Variants in RAMP3 observed in about 807,000 individuals in gnomAD.
The protein encoded by RAMP3 is receptor activity-modifying protein 3.
In RAMP3, 14 loss-of-function variants were observed where a neutral mutation model predicts 13.5. That is an observed-to-expected ratio of 1.04 (90% CI 0.69 to 1.63). RAMP3 has a LOEUF of 1.63. RAMP3 is among the 40% of genes most tolerant of loss of function. RAMP3 has a pLI of 0.00. For missense variants in RAMP3, 200 were observed against 204.8 expected (o/e 0.98, Z 0.14); for synonymous variants, 106 against 88.3 (o/e 1.20, Z -1.12).
At chr7:45,175,451 A>C (rs984805615) in intron 1 of RAMP3, among the ~76,000 whole-genome samples, 44 of 152,316 alleles carry the variant, frequency 2.9e-4, no homozygotes, top group African/African-American at 9.9e-4. Flanking sequence ...GAGTGCCTAC[A>C]CAGGCTTCTC....
Position 45,182,760 on chromosome 7 carries a change from G to A in RAMP3, c.192-397G>A, listed in dbSNP as rs183826067. On this transcript the variant is annotated intron_variant, in intron 2 of 2. Coordinates refer to ENST00000242249, the MANE Select transcript of RAMP3 (RefSeq NM_005856.3). ...GAGACCCTCCTCTCAGGCTCTTAGG[G>A]TATCCTGGATGATGAAGGCTTTGCA... Among the ~76,000 whole-genome samples, 367 of 152,240 alleles carry A rather than the reference G, an allele frequency of 2.4e-3. 1 individual carries two copies. The highest frequency in any genetic ancestry group is 8.3e-3 in the African/African-American group (344 of 41,532).
At chr7:45,179,280 C>T (rs1216828872) in intron 2 of RAMP3, among the ~76,000 whole-genome samples, 11 of 152,078 alleles carry the variant, frequency 7.2e-5, no homozygotes, top group Admixed American at 6.6e-4. Flanking sequence ...CAGTGACCCC[C>T]CCAACCCCTG....
intron 2 of RAMP3, among the ~76,000 whole-genome samples, chr7:45,179,466 A>G (rs1321789307): frequency 6.6e-6 from 1 of 152,256 alleles, no homozygotes; most frequent in East Asian, 1.9e-4. Context: ...CCATGCACCA[A>G]GAAGAAAACT....
chr7:45,162,341 G>C (rs1157882820), intron 1 of RAMP3, among the ~76,000 whole-genome samples: 1 of 152,220 alleles, frequency 6.6e-6, no homozygotes. Context: ...AGTGCCCACT[G>C]GGAGAGAAGG....
intron 1 of RAMP3, among the ~76,000 whole-genome samples, chr7:45,166,507 T>C (rs1318702178): frequency 6.6e-6 from 1 of 152,214 alleles, no homozygotes; most frequent in Non-Finnish European, 1.5e-5. Flanking sequence ...AATTGCTTTA[T>C]TTTTCCCTTT....
intron 1 of RAMP3, among the ~76,000 whole-genome samples, chr7:45,169,333 T>C (rs992652117): frequency 1.6e-4 from 25 of 152,220 alleles, no homozygotes; most frequent in African/African-American, 6.0e-4. Flanking sequence ...TGGAAGAGTT[T>C]GTGAATGATT....
At chr7:45,172,946 C>G (rs2128657228) in intron 1 of RAMP3, among the ~76,000 whole-genome samples, 1 of 152,260 alleles carries the variant, frequency 6.6e-6, no homozygotes, top group African/African-American at 2.4e-5. Context: ...AGAGGGGTCC[C>G]CCTCCCTGCT....
At chr7:45,175,263 C>G (rs1341395734) in intron 1 of RAMP3, among the ~76,000 whole-genome samples, 1 of 152,156 alleles carries the variant, frequency 6.6e-6, no homozygotes, top group Non-Finnish European at 1.5e-5. Context: ...AGTCACTGAC[C>G]CTGTGTCCAG....
At chr7:45,166,413 T>A (rs1160296865) in intron 1 of RAMP3, among the ~76,000 whole-genome samples, 3 of 152,222 alleles carry the variant, frequency 2.0e-5, no homozygotes, top group Non-Finnish European at 2.9e-5. Context: ...TGATGGTTAA[T>A]GATGTTGATT....
At chr7:45,180,756 G>C (rs555527457) in intron 2 of RAMP3, among the ~76,000 whole-genome samples, 34 of 152,350 alleles carry the variant, frequency 2.2e-4, no homozygotes, top group Admixed American at 4.6e-4. Context: ...GAGTCTGACT[G>C]GGGGGTTTGC....
rs368770188 is a variant in RAMP3 at position 45,177,461 on chromosome 7, G to A, written c.191+20G>A. On this transcript the variant is annotated intron_variant, in intron 2 of 2. Transcript: ENST00000242249. Reference sequence around the variant, plus strand: ...CATCGTGTGAGTGCCACTGCTGGGCGTGGGATTTGCTCTGACCACAGCGCT... The same window carrying A: ...CATCGTGTGAGTGCCACTGCTGGGCATGGGATTTGCTCTGACCACAGCGCT... 73 of 1,613,688 alleles carry A rather than the reference G, an allele frequency of 4.5e-5. No individual in the cohort carries two copies. Among genetic ancestry groups the A allele is most frequent in the African/African-American group, 3.6e-4 (27 of 74,906 alleles).
chr7:45,172,156 C>T lies in RAMP3; in HGVS notation c.59-5153C>T, dbSNP rs899930855. On this transcript the variant is annotated intron_variant, in intron 1 of 2. Transcript: ENST00000242249. ...GGGCAGGGAGCCTCAGTTCTCTAGG[C>T]CTCATCTGCCCAGAAAGAAGAGACC... 7.2e-5 allele frequency among the ~76,000 whole-genome samples: 11 copies of T among 152,302 alleles called. No homozygotes were observed. In the East Asian group the frequency reaches 1.9e-3, roughly 27 times the overall value.
intron 1 of RAMP3, among the ~76,000 whole-genome samples, chr7:45,168,010 GTT>G (rs1240431542): frequency 3.3e-5 from 5 of 152,218 alleles, no homozygotes; most frequent in Admixed American, 2.6e-4. Flanking sequence ...ATTGCATTGA[GTT>G]TGTATATCAC....
rs1786382031 is a variant in RAMP3 at position 45,184,192 on chromosome 7, G to A, written c.*780G>A. Reference sequence around the variant, plus strand: ...CTCTGGAATGGCATCCCATGAGCTTGTGGCCTCTATCTGCTACCATCTGTG... The same window carrying A: ...CTCTGGAATGGCATCCCATGAGCTTATGGCCTCTATCTGCTACCATCTGTG... On this transcript the variant is annotated 3_prime_UTR_variant, in exon 3 of 3. Transcript: ENST00000242249. The A allele has an allele frequency of 2.5e-6, 1 of 398,736 alleles. No individual in the cohort carries two copies. Among genetic ancestry groups the A allele is most frequent in the Non-Finnish European group, 4.4e-6 (1 of 226,174 alleles). The allele number at this position is 398,736 out of a possible 1,614,324, so 24.7% of individuals were successfully genotyped here.
At chr7:45,175,394 G>C (rs1226932079) in intron 1 of RAMP3, among the ~76,000 whole-genome samples, 1 of 152,186 alleles carries the variant, frequency 6.6e-6, no homozygotes, top group Non-Finnish European at 1.5e-5. Flanking sequence ...GGGGCCTCAA[G>C]ATGCCCTGGG....
chr7:45,167,379 A>G (rs75588595), intron 1 of RAMP3, among the ~76,000 whole-genome samples: 16 of 152,142 alleles, frequency 1.1e-4, no homozygotes, highest in African/African-American at 3.6e-4. Flanking sequence ...TCTCTGGTGA[A>G]TTGTCTTGGT....
chr7:45,159,432 G>A (rs1785822994), intron 1 of RAMP3, among the ~76,000 whole-genome samples: 1 of 152,230 alleles, frequency 6.6e-6, no homozygotes, highest in African/African-American at 2.4e-5. Context: ...ACTAGCTCAG[G>A]AGGACCAGCA....
At chr7:45,164,095 A>G (rs1785914767) in intron 1 of RAMP3, among the ~76,000 whole-genome samples, 1 of 151,918 alleles carries the variant, frequency 6.6e-6, no homozygotes, top group African/African-American at 2.4e-5. Context: ...TTTCCTTTAC[A>G]CCCACAATGG....
Position 45,179,797 on chromosome 7 carries a change from C to T in RAMP3, c.191+2356C>T, listed in dbSNP as rs950753385. On this transcript the variant is annotated intron_variant, in intron 2 of 2. Transcript: ENST00000242249. ...GGTGAGGGCTTGCCCGGTACTAGCA[C>T]GAGGGAGGAAAATGTCCCACATGGA... 3.9e-5 allele frequency among the ~76,000 whole-genome samples: 6 copies of T among 152,102 alleles called. No individual in the cohort carries two copies. In the East Asian group the frequency reaches 7.7e-4, roughly 20 times the overall value.
Sources: gnomAD v4.1 joint callset for allele counts (sites outside exome capture counted in the v4.1 genomes callset) on GRCh38, gnomAD v4.1.1 for gene constraint, MANE v1.5 for transcripts, NCBI Gene and HGNC (gene_info 2026-07-23, HGNC 2026-07-21) for gene names.